Variants in PTGER4 observed in about 807,000 individuals in gnomAD.
PTGER4 encodes prostaglandin E2 receptor EP4 subtype.
A neutral mutation model predicts 33.2 loss-of-function variants in PTGER4; 11 were observed. That is an observed-to-expected ratio of 0.33 (90% CI 0.21 to 0.55). PTGER4 has a LOEUF of 0.55. Ranked by LOEUF, PTGER4 falls within the 20% of genes least tolerant of loss-of-function variation. PTGER4 has a pLI of 0.92. For synonymous variants in PTGER4, 275 were observed against 281.5 expected (o/e 0.98, Z 0.23); for missense variants, 481 against 650.2 (o/e 0.74, Z 2.83).
chr5:40,707,107 A>T, the PTGER4 span, among the ~76,000 whole-genome samples: 1 of 152,230 alleles, frequency 6.6e-6, no homozygotes, highest in Non-Finnish European at 1.5e-5. Flanking sequence ...AAGGCTACGA[A>T]GAAACAGCAT....
Position 40,681,699 on chromosome 5 carries a change from G to A in PTGER4, c.706G>A (p.Val236Ile). The change falls in exon 2 of 3, where the codon GTT becomes ATT. Residue 236 changes from valine to isoleucine, a missense_variant. Val to Ile is a conservative substitution (Grantham distance 29). Coordinates refer to ENST00000302472, the MANE Select transcript of PTGER4 (RefSeq NM_000958.3). This position sits in a 1 kb window ranked among gnomAD's most constrained non-coding sequence, Gnocchi z 9.8. ...GCACCACGCGGCCGCGGCCGCCTCG[G>A]TTGCCTCCCGGGGCCACCCCGCTGC... ...EQHHAAAAAS[V>I]ASRGHPAASP... The A allele has an allele frequency of 6.3e-7, 1 of 1,581,388 alleles. No homozygotes were observed. Among genetic ancestry groups the A allele is most frequent in the Non-Finnish European group, 8.6e-7 (1 of 1,168,656 alleles).
chr5:40,718,057 C>T, the PTGER4 span, among the ~76,000 whole-genome samples: 804 of 149,670 alleles, frequency 5.4e-3, 8 homozygotes, highest in African/African-American at 0.018. Context: ...AGCGAAACTC[C>T]GTCTCAAAAA....
At chr5:40,707,483 A>G in the PTGER4 span, among the ~76,000 whole-genome samples, 30 of 152,390 alleles carry the variant, frequency 2.0e-4, no homozygotes, top group South Asian at 8.3e-4. Context: ...AGAGCTAACT[A>G]TCCTAAATAT....
At chr5:40,697,266 G>GAAAGAAAGAAAGAA (rs1561134507), downstream of PTGER4, among the ~76,000 whole-genome samples, 1 of 108,160 alleles carries the variant, frequency 9.2e-6, no homozygotes, top group African/African-American at 2.8e-5. Context: ...AAGAAAGAAA[G>GAAAGAAAGAAAGAA]AAAGAAAGAA....
chr5:40,720,783 C>T, the PTGER4 span, among the ~76,000 whole-genome samples: 1 of 152,212 alleles, frequency 6.6e-6, no homozygotes, highest in Non-Finnish European at 1.5e-5. Context: ...AGGACACCCT[C>T]TCACCAGAAT....
intron 2 of PTGER4, among the ~76,000 whole-genome samples, chr5:40,688,536 G>A (rs1169623772): frequency 6.6e-6 from 1 of 152,192 alleles, no homozygotes; most frequent in Non-Finnish European, 1.5e-5. Flanking sequence ...CAGAAAGCCA[G>A]ACTGGTAGAA....
the PTGER4 span, chr5:40,716,150 G>C: frequency 6.3e-7 from 1 of 1,596,282 alleles, no homozygotes; most frequent in Non-Finnish European, 8.5e-7. Flanking sequence ...CTGCTTCATC[G>C]GGCTTTGATA....
chr5:40,691,975 G>T lies in PTGER4; in HGVS notation c.1064G>T (p.Arg355Leu), dbSNP rs147606698. ...CTCTTCTGCCGCATTGGCGGGTCCC[G>T]CAGGGAGCGCTCCGGACAGCACTGC... ...KCLFCRIGGS[R>L]RERSGQHCSD... Residue 355 changes from arginine (R) to leucine (L), a missense_variant, in exon 3 of 3, where the codon CGC (arginine) becomes CTC (leucine). Physicochemically the swap from Arg to Leu is moderately radical, Grantham distance 102. This residue lies in a region of PTGER4 where 172 missense variants were observed against 199.2 expected (regional missense o/e 0.86). Coordinates refer to ENST00000302472, the MANE Select transcript of PTGER4 (RefSeq NM_000958.3). The surrounding 1 kb of genome is among the most constrained non-coding windows in gnomAD (Gnocchi z 4.2). 1 of 1,613,920 alleles carries T rather than the reference G, an allele frequency of 6.2e-7. No homozygotes were observed. Among genetic ancestry groups the T allele is most frequent in the Non-Finnish European group, 8.5e-7 (1 of 1,179,992 alleles).
chr5:40,681,419 A>G lies in PTGER4; in HGVS notation c.426A>G (p.Ala142=). Residue 142 remains alanine (A), a synonymous_variant, in exon 2 of 3, where the codon GCA becomes GCG. Coordinates refer to ENST00000302472, the MANE Select transcript of PTGER4 (RefSeq NM_000958.3). The surrounding 1 kb of genome is among the most constrained non-coding windows in gnomAD (Gnocchi z 9.8). The part of the protein sequence containing the change: ...DKRLAGLTLF[A]VYASNVLFCA... ...GATTGGCGGGCCTCACGCTCTTTGCAGTCTATGCGTCCAACGTGCTCTTTT... is the reference window on the plus strand; with the variant it reads ...GATTGGCGGGCCTCACGCTCTTTGCGGTCTATGCGTCCAACGTGCTCTTTT... 1 of 1,613,860 alleles carries G rather than the reference A, an allele frequency of 6.2e-7. No homozygotes were observed. The highest frequency in any genetic ancestry group is 1.1e-5 in the South Asian group (1 of 91,074).
At chr5:40,721,419 T>C in the PTGER4 span, among the ~76,000 whole-genome samples, 4 of 152,190 alleles carry the variant, frequency 2.6e-5, no homozygotes, top group South Asian at 6.2e-4. Flanking sequence ...TATAGACCAA[T>C]GGAACAGAAT....
chr5:40,689,202 C>T (rs1375856169), intron 2 of PTGER4, among the ~76,000 whole-genome samples: 2 of 152,158 alleles, frequency 1.3e-5, no homozygotes, highest in East Asian at 3.8e-4. Context: ...TCAGATTTTG[C>T]AATGAGTGTA....
At chr5:40,711,259 A>G in the PTGER4 span, among the ~76,000 whole-genome samples, 48,741 of 151,920 alleles carry the variant, frequency 0.32, 8,281 homozygotes, top group East Asian at 0.56. Flanking sequence ...TTTCCAAAAA[A>G]GAGAAATGTC....
At chr5:40,702,413 AAAG>A in the PTGER4 span, among the ~76,000 whole-genome samples, 1 of 152,214 alleles carries the variant, frequency 6.6e-6, no homozygotes, top group South Asian at 2.1e-4. Context: ...CAAAAAAGAC[AAAG>A]AAGGCATTAC....
downstream of PTGER4, chr5:40,696,654 C>T (rs1160406433): frequency 1.0e-6 from 1 of 984,074 alleles, no homozygotes; most frequent in Admixed American, 6.2e-5. Context: ...CTTGCCAGGC[C>T]ATCAACCCCA....
At chr5:40,720,200 T>C in the PTGER4 span, among the ~76,000 whole-genome samples, 1 of 152,182 alleles carries the variant, frequency 6.6e-6, no homozygotes, top group Admixed American at 6.5e-5. Context: ...TTTAGGTCTT[T>C]GTTTGTTTTT....
chr5:40,733,274 C>A, the PTGER4 span, among the ~76,000 whole-genome samples: 1 of 152,070 alleles, frequency 6.6e-6, no homozygotes, highest in East Asian at 1.9e-4. Context: ...GGCTGAAGGT[C>A]TTTGGTCTCT....
intron 2 of PTGER4, among the ~76,000 whole-genome samples, chr5:40,682,653 G>A (rs541508579): frequency 6.6e-6 from 1 of 152,206 alleles, no homozygotes; most frequent in South Asian, 2.1e-4. Flanking sequence ...TATACATAGG[G>A]TATGGGATTT....
At chr5:40,729,430 T>C in the PTGER4 span, among the ~76,000 whole-genome samples, 1 of 152,254 alleles carries the variant, frequency 6.6e-6, no homozygotes, top group African/African-American at 2.4e-5. Flanking sequence ...ATTCAAGTGC[T>C]CAAAGGTTTT....
chr5:40,703,529 C>T, the PTGER4 span, among the ~76,000 whole-genome samples: 1 of 152,074 alleles, frequency 6.6e-6, no homozygotes, highest in Non-Finnish European at 1.5e-5. Context: ...AAGCCCAGGA[C>T]CTGATGGAGT....
Sources: allele counts gnomAD v4.1 joint callset (sites outside exome capture counted in the v4.1 genomes callset), GRCh38; gene constraint gnomAD v4.1.1; regional missense constraint gnomAD v4.1.1; non-coding constraint Gnocchi (gnomAD v3.1); transcripts MANE v1.5; gene names NCBI Gene and HGNC (gene_info 2026-07-23, HGNC 2026-07-21).